Variants in HSPA12A observed in about 807,000 individuals in gnomAD.
The protein encoded by HSPA12A is heat shock 70 kDa protein 12A.
In HSPA12A, 28 loss-of-function variants were observed where a neutral mutation model predicts 69.2. That is an observed-to-expected ratio of 0.40 (90% CI 0.30 to 0.55). The LOEUF (loss-of-function observed/expected upper bound fraction) is 0.55. Among genes scored for constraint, HSPA12A ranks in the 20% least tolerant of loss-of-function variants. HSPA12A has a pLI of 0.38. For missense variants in HSPA12A, 686 were observed against 900.7 expected, an observed-to-expected ratio of 0.76 and a Z score of 3.05; for synonymous variants, 345 against 370.5, an observed-to-expected ratio of 0.93 and a Z score of 0.79.
intron 1 of HSPA12A, among the ~76,000 whole-genome samples, chr10:116,708,569 T>C (rs1188742255): frequency 6.6e-6 from 1 of 152,274 alleles, no homozygotes; most frequent in East Asian, 1.9e-4. Flanking sequence ...AAATGAATCA[T>C]GCAAGAGGGA....
At chr10:116,756,474 T>G (rs1377815157) in intron 2 of HSPA12A, among the ~76,000 whole-genome samples, 1 of 152,256 alleles carries the variant, frequency 6.6e-6, no homozygotes, top group Non-Finnish European at 1.5e-5. Context: ...CAAAAGGCCT[T>G]CTGAGGCCCC....
rs78246726 is a variant in HSPA12A, at chr10:116,806,999, G to A, written c.91+27936C>T. Among the ~76,000 whole-genome samples the A allele has an allele frequency of 9.2e-3, 1,408 of 152,290 alleles. 15 individuals are homozygous for A. Among genetic ancestry groups the A allele is most frequent in the African/African-American group, 0.033 (1,352 of 41,572 alleles). On this transcript the variant is annotated intron_variant, in intron 2 of 12. Transcript: ENST00000635765. ...GACACACAGGTAGAGGAGAGGAGAG[G>A]GTGATGTGAAGACAGAGGTGGAGAC...
chr10:116,794,371 A>G (rs1037922561), intron 2 of HSPA12A, among the ~76,000 whole-genome samples: 5 of 152,302 alleles, frequency 3.3e-5, no homozygotes, highest in Admixed American at 3.3e-4. Context: ...AAGAGTGGGA[A>G]AAGGGCTACA....
upstream of HSPA12A, among the ~76,000 whole-genome samples, chr10:116,744,972 A>G (rs1324857181): frequency 1.3e-5 from 2 of 152,140 alleles, no homozygotes; most frequent in Admixed American, 6.5e-5. Flanking sequence ...TGGCCTCCTG[A>G]TGCCTCAGTG....
At chr10:116,808,157 T>C (rs1845103830) in intron 2 of HSPA12A, among the ~76,000 whole-genome samples, 1 of 152,070 alleles carries the variant, frequency 6.6e-6, no homozygotes, top group Non-Finnish European at 1.5e-5. Flanking sequence ...TTTGGAGGAA[T>C]ATAGAAGAGT....
chr10:116,743,010 G>C (rs1300589612), upstream of HSPA12A, among the ~76,000 whole-genome samples: 4 of 152,116 alleles, frequency 2.6e-5, no homozygotes, highest in African/African-American at 9.7e-5. Flanking sequence ...GTCCCCCAGG[G>C]TCCCAGGGGA....
At chr10:116,836,376 T>C (rs972486338) in intron 1 of HSPA12A, among the ~76,000 whole-genome samples, 5 of 152,132 alleles carry the variant, frequency 3.3e-5, no homozygotes, top group South Asian at 2.1e-4. Flanking sequence ...GCCAGTGACA[T>C]TGTGTGCCGC....
rs71013618 is a variant in HSPA12A, at chr10:116,813,247, A to ATTTTTTTTTTTT, written c.91+21676_91+21687dup. ...AAAGAAAGAGGCCATCCAGAGCTCT[A>ATTTTTTTTTTTT]TTTTTTTTTTTTTTTTGAGATGGAG... On this transcript the variant is annotated intron_variant, in intron 2 of 12. Transcript: ENST00000635765. Among the ~76,000 whole-genome samples, 16 of 100,020 alleles carry ATTTTTTTTTTTT rather than the reference A, an allele frequency of 1.6e-4. 2 individuals are homozygous for ATTTTTTTTTTTT. The highest frequency in any genetic ancestry group is 2.7e-4 in the Non-Finnish European group (14 of 52,778). 65.6% of individuals were successfully genotyped at this position (100,020 alleles called of 152,430 possible).
chr10:116,779,443 C>A (rs1844413952), intron 2 of HSPA12A, among the ~76,000 whole-genome samples: 1 of 152,144 alleles, frequency 6.6e-6, no homozygotes, highest in Non-Finnish European at 1.5e-5. Flanking sequence ...TCAGAGAGAA[C>A]CACATCGCAC....
At chr10:116,811,338 C>T (rs1845177904) in intron 2 of HSPA12A, among the ~76,000 whole-genome samples, 1 of 152,032 alleles carries the variant, frequency 6.6e-6, no homozygotes, top group Admixed American at 6.5e-5. Flanking sequence ...ACATCCAATT[C>T]CCATTCCCAT....
In HSPA12A at chr10:116,709,331, C is replaced by G. The variant is rs538688010; in HGVS notation, c.41-2046G>C. ...GGCGTGGTGGCACATGCCTGTAGTC[C>G]CAGCTACTCGGGAGGCTGAGACAGG... On this transcript the variant is annotated intron_variant, in intron 1 of 11. Coordinates refer to ENST00000369209, the MANE Select transcript of HSPA12A (RefSeq NM_025015.3). Among the ~76,000 whole-genome samples the G allele has an allele frequency of 4.2e-3, 643 of 151,968 alleles. 6 individuals are homozygous for G. Among genetic ancestry groups the G allele is most frequent in the Middle Eastern group, 6.8e-3 (2 of 292 alleles).
intron 2 of HSPA12A, among the ~76,000 whole-genome samples, chr10:116,763,730 GT>G: frequency 6.6e-6 from 1 of 152,264 alleles, no homozygotes; most frequent in Middle Eastern, 3.4e-3. Flanking sequence ...GGACTAGGAG[GT>G]TTTTTTGGGT....
At chr10:116,744,724 T>C (rs1475875179), upstream of HSPA12A, among the ~76,000 whole-genome samples, 1 of 152,222 alleles carries the variant, frequency 6.6e-6, no homozygotes, top group Non-Finnish European at 1.5e-5. Context: ...CGAGGGGCTG[T>C]TGTGGTCTCA....
chr10:116,780,008 G>A (rs1331365392), intron 2 of HSPA12A, among the ~76,000 whole-genome samples: 1 of 152,146 alleles, frequency 6.6e-6, no homozygotes, highest in Non-Finnish European at 1.5e-5. Context: ...GGCCAGCCAC[G>A]AGTCAGAGAC....
rs371127295 is a variant in HSPA12A, at chr10:116,723,679, C to T, written c.41-16394G>A. On this transcript the variant is annotated intron_variant, in intron 1 of 11. Coordinates refer to ENST00000369209, the MANE Select transcript of HSPA12A (RefSeq NM_025015.3). This position sits in a 1 kb window ranked among gnomAD's most constrained non-coding sequence, Gnocchi z 4.1. The stretch of plus-strand genomic sequence containing the variant: ...TGACATTCATTCCTGAGACCCACTG[C>T]GCACACGTGCTGAGGTTTTAAAACT... Among the ~76,000 whole-genome samples, 36 of 152,328 alleles carry T rather than the reference C, an allele frequency of 2.4e-4. No homozygotes were observed. Among genetic ancestry groups the T allele is most frequent in the South Asian group, 2.1e-4 (1 of 4,824 alleles).
chr10:116,785,389 G>T (rs943255323), intron 2 of HSPA12A, among the ~76,000 whole-genome samples: 4 of 152,088 alleles, frequency 2.6e-5, no homozygotes, highest in African/African-American at 9.7e-5. Context: ...GCAGCCCGGG[G>T]ACAGAGATCA....
chr10:116,803,304 C>A (rs879456271), intron 2 of HSPA12A, among the ~76,000 whole-genome samples: 3 of 152,024 alleles, frequency 2.0e-5, no homozygotes, highest in Non-Finnish European at 1.5e-5. Context: ...TACACGTACC[C>A]AAACACGCTG....
chr10:116,772,389 G>A (rs1844232335), intron 2 of HSPA12A, among the ~76,000 whole-genome samples: 1 of 152,122 alleles, frequency 6.6e-6, no homozygotes, highest in Non-Finnish European at 1.5e-5. Context: ...GGGACCAGCA[G>A]GGCTGGCTCT....
intron 2 of HSPA12A, among the ~76,000 whole-genome samples, chr10:116,784,836 G>T (rs573409742): frequency 2.0e-5 from 3 of 152,284 alleles, no homozygotes; most frequent in African/African-American, 7.2e-5. Flanking sequence ...CTCTCCGTCT[G>T]GGGTTGAGCC....
Sources: allele counts gnomAD v4.1 joint callset (sites outside exome capture counted in the v4.1 genomes callset), GRCh38; gene constraint gnomAD v4.1.1; non-coding constraint Gnocchi (gnomAD v3.1); transcripts MANE v1.5; gene names NCBI Gene and HGNC (gene_info 2026-07-23, HGNC 2026-07-21).